Variants in DLG2 observed in about 807,000 individuals in gnomAD.
DLG2 encodes the protein discs large MAGUK scaffold protein 2.
In DLG2, 45 loss-of-function variants were observed where a neutral mutation model predicts 132.5. The observed-to-expected ratio is 0.34, with a 90% CI of 0.27 to 0.44. DLG2 has a LOEUF of 0.44. Among genes scored for constraint, DLG2 ranks in the 20% least tolerant of loss-of-function variants. The probability of loss-of-function intolerance (pLI) is 1.00; values close to 1 mark genes in which losing one functional copy is unlikely to be tolerated. For missense variants in DLG2, 1,045 were observed against 1,196.9 expected (o/e 0.87, Z 1.87); for synonymous variants, 424 against 419.6 (o/e 1.01, Z -0.13).
intron 6 of DLG2, among the ~76,000 whole-genome samples, chr11:84,998,806 G>C (rs1447252450): frequency 6.6e-6 from 1 of 151,412 alleles, no homozygotes; most frequent in Non-Finnish European, 1.5e-5. Context: ...TGGAACTTTT[G>C]GCCTCAAGTA....
intron 4 of DLG2, among the ~76,000 whole-genome samples, chr11:85,272,563 G>T (rs945931196): frequency 6.6e-6 from 1 of 152,014 alleles, no homozygotes; most frequent in Non-Finnish European, 1.5e-5. Flanking sequence ...TTAACAGTCT[G>T]CTTTACTTAG....
chr11:85,465,837 G>A (rs1442577745), intron 3 of DLG2, among the ~76,000 whole-genome samples: 1 of 151,472 alleles, frequency 6.6e-6, no homozygotes, highest in Non-Finnish European at 1.5e-5. Flanking sequence ...GGGATGGCTG[G>A]GTCAAATGGT....
At chr11:84,513,023 A>C (rs998296773) in intron 7 of DLG2, among the ~76,000 whole-genome samples, 7 of 152,056 alleles carry the variant, frequency 4.6e-5, no homozygotes, top group African/African-American at 1.7e-4. Context: ...GATTAGGACA[A>C]ATACCTAACT....
intron 6 of DLG2, among the ~76,000 whole-genome samples, chr11:84,839,364 A>G (rs577247606): frequency 6.6e-6 from 1 of 152,276 alleles, no homozygotes; most frequent in South Asian, 2.1e-4. Context: ...AAATGGAAGA[A>G]CATTCCATGC....
chr11:85,214,869 G>T (rs2082479030), intron 4 of DLG2, among the ~76,000 whole-genome samples: 1 of 152,026 alleles, frequency 6.6e-6, no homozygotes, highest in Non-Finnish European at 1.5e-5. Context: ...ATTTGCCTGG[G>T]TGCTCTGAAT....
At chr11:84,981,401 T>C (rs558935009) in intron 6 of DLG2, among the ~76,000 whole-genome samples, 4 of 152,212 alleles carry the variant, frequency 2.6e-5, no homozygotes, top group Admixed American at 6.5e-5. Flanking sequence ...TGAGGGGCTA[T>C]AGGAAGCAGT....
At chr11:84,695,141 G>A (rs911155109) in intron 6 of DLG2, among the ~76,000 whole-genome samples, 5 of 151,494 alleles carry the variant, frequency 3.3e-5, no homozygotes, top group African/African-American at 7.3e-5. Flanking sequence ...AGCTGCTATT[G>A]TGTTCCAAGC....
At chr11:84,714,197 A>G (rs895301266) in intron 6 of DLG2, among the ~76,000 whole-genome samples, 56 of 152,164 alleles carry the variant, frequency 3.7e-4, no homozygotes, top group African/African-American at 1.3e-3. Context: ...AACATATACC[A>G]AAATGGTCAA....
chr11:85,020,414 G>T (rs952647943), intron 6 of DLG2, among the ~76,000 whole-genome samples: 2 of 152,000 alleles, frequency 1.3e-5, no homozygotes, highest in East Asian at 3.9e-4. Flanking sequence ...TCTGTAGGTC[G>T]CCTGTTCACT....
intron 3 of DLG2, among the ~76,000 whole-genome samples, chr11:85,407,659 G>A (rs972737344): frequency 6.6e-6 from 1 of 151,720 alleles, no homozygotes. Flanking sequence ...TGTAGAGTAT[G>A]TTACCACACC....
intron 10 of DLG2, among the ~76,000 whole-genome samples, chr11:84,060,222 G>A (rs1050492497): frequency 6.6e-6 from 1 of 152,108 alleles, no homozygotes; most frequent in African/African-American, 2.4e-5. Context: ...TGAGAAAAGA[G>A]AATTGCTTGA....
At chr11:85,628,080 G>A (rs1245725792), upstream of DLG2, among the ~76,000 whole-genome samples, 1 of 152,286 alleles carries the variant, frequency 6.6e-6, no homozygotes, top group East Asian at 1.9e-4. Context: ...AGACTGGGGA[G>A]AGGAGTCAGA....
intron 3 of DLG2, among the ~76,000 whole-genome samples, chr11:85,306,837 G>T (rs2079981454): frequency 6.6e-6 from 1 of 152,226 alleles, no homozygotes; most frequent in Non-Finnish European, 1.5e-5. Context: ...CTCCCAAAGT[G>T]TTGGGATTAT....
chr11:84,509,970 G>C (rs2099252580), intron 7 of DLG2, among the ~76,000 whole-genome samples: 1 of 151,546 alleles, frequency 6.6e-6, no homozygotes, highest in South Asian at 2.1e-4. Flanking sequence ...ATATGAAGAA[G>C]CACACCAAAT....
chr11:85,112,344 T>C (rs960079664), intron 5 of DLG2, among the ~76,000 whole-genome samples: 13 of 152,116 alleles, frequency 8.5e-5, no homozygotes, highest in Non-Finnish European at 1.9e-4. Context: ...GAAATTTATC[T>C]CTAGTTAACC....
intron 3 of DLG2, among the ~76,000 whole-genome samples, chr11:85,395,351 G>A (rs548029509): frequency 2.0e-5 from 3 of 152,208 alleles, no homozygotes; most frequent in East Asian, 3.9e-4. Context: ...GCAGAAGAGG[G>A]GTGGTTTCTG....
intron 4 of DLG2, among the ~76,000 whole-genome samples, chr11:85,275,480 C>G (rs2077830912): frequency 6.6e-6 from 1 of 152,082 alleles, no homozygotes; most frequent in African/African-American, 2.4e-5. Context: ...GAAATTCTAA[C>G]TGAGAATACT....
At chr11:84,737,481 A>G (rs1417471644) in intron 6 of DLG2, among the ~76,000 whole-genome samples, 1 of 144,018 alleles carries the variant, frequency 6.9e-6, no homozygotes, top group African/African-American at 2.6e-5. Flanking sequence ...ATCTAGGTCA[A>G]GAGAGAGAGA....
At chr11:85,203,040 AATTT>A (rs1445035979) in intron 4 of DLG2, among the ~76,000 whole-genome samples, 1 of 150,190 alleles carries the variant, frequency 6.7e-6, no homozygotes, top group African/African-American at 2.4e-5. Flanking sequence ...ATTAATAATA[AATTT>A]ATTATTTAAT....
Sources: allele counts gnomAD v4.1 joint callset (sites outside exome capture counted in the v4.1 genomes callset), GRCh38; gene constraint gnomAD v4.1.1; transcripts MANE v1.5; gene names NCBI Gene and HGNC (gene_info 2026-07-23, HGNC 2026-07-21).